The following CCT7 variants were observed in gnomAD, a reference collection of about 807,000 sequenced individuals.
CCT7 encodes chaperonin containing TCP1 subunit 7.
In CCT7, 16 loss-of-function variants were observed where a neutral mutation model predicts 56.6. The ratio of observed to expected loss-of-function variants is 0.28; its 90% CI spans 0.19 to 0.43. CCT7 has a LOEUF of 0.43. Among genes scored for constraint, CCT7 ranks in the 20% least tolerant of loss-of-function variants. The pLI, the probability that CCT7 is intolerant of heterozygous loss-of-function variation, is 1.00. For missense variants in CCT7, 519 were observed against 685.6 expected, an observed-to-expected ratio of 0.76 and a Z score of 2.71; for synonymous variants, 262 against 254.8, an observed-to-expected ratio of 1.03 and a Z score of -0.27.
chr2:73,247,740 A>G, intron 6 of CCT7, 22 bp from the exon 7 acceptor site: 2 of 1,610,940 alleles, frequency 1.2e-6, no homozygotes, highest in Non-Finnish European at 1.7e-6. Flanking sequence ...AAACCATTAA[A>G]GTGTTTGTTT....
At chr2:73,239,402 G>T in intron 1 of CCT7, 1 of 467,888 alleles carries the variant, frequency 2.1e-6, no homozygotes, top group Non-Finnish European at 3.8e-6. Flanking sequence ...TTTTAGATTA[G>T]GTCAGTGCTT....
chr2:73,234,837 G>C (rs1463387683), intron 1 of CCT7, among the ~76,000 whole-genome samples: 1 of 152,194 alleles, frequency 6.6e-6, no homozygotes, highest in Non-Finnish European at 1.5e-5. Flanking sequence ...ACCTCATATT[G>C]TGCCCGCCTA....
At position 73,244,659 on chromosome 2, in the gene CCT7, G is replaced by T; in HGVS notation, c.562G>T (p.Asp188Tyr). The T allele has an allele frequency of 6.2e-7, 1 of 1,613,846 alleles. No individual in the cohort carries two copies. Among genetic ancestry groups the T allele is most frequent in the Non-Finnish European group, 8.5e-7 (1 of 1,179,788 alleles). ...MVVDAVMMLDDLLQLKMIGIK... is the reference protein window; with the variant it reads ...MVVDAVMMLDYLLQLKMIGIK... ...GGTGGATGCAGTGATGATGCTCGAT[G>T]ATTTGCTGCAGCTTAAAATGATTGG... is the stretch of plus-strand genomic sequence containing the variant. Residue 188 changes from aspartate (D) to tyrosine (Y), a missense_variant, in exon 6 of 12, where the codon GAT (aspartate) becomes TAT (tyrosine). By Grantham distance (160) the Asp-to-Tyr change is radical. This residue lies in a region of CCT7 where 276 missense variants were observed against 357.3 expected (regional missense o/e 0.77). Coordinates refer to ENST00000258091, the MANE Select transcript of CCT7 (RefSeq NM_006429.4).
At position 73,251,280 on chromosome 2, in the gene CCT7, C is replaced by T; in HGVS notation, c.1258C>T (p.Leu420=). Residue 420 remains leucine, a synonymous_variant, in exon 11 of 12, where the codon CTG becomes TTG. Coordinates refer to ENST00000258091, the MANE Select transcript of CCT7 (RefSeq NM_006429.4). Reference sequence around the variant, plus strand: ...CATTGAGATGGAACTCTCCAAGTACCTGCGGGATTACTCAAGGACTATTCC... The same window carrying T: ...CATTGAGATGGAACTCTCCAAGTACTTGCGGGATTACTCAAGGACTATTCC... ...GAIEMELSKY[L]RDYSRTIPGK... 6.2e-7 allele frequency: 1 copy of T among 1,614,184 alleles called. No homozygotes were observed. The highest frequency in any genetic ancestry group is 2.2e-5 in the East Asian group (1 of 44,886).
Position 73,252,709 on chromosome 2 carries a change from G to A in CCT7, c.1480G>A (p.Glu494Lys), listed in dbSNP as rs1352957147. 6.2e-7 allele frequency: 1 copy of A among 1,614,176 alleles called. No individual in the cohort carries two copies. The highest frequency in any genetic ancestry group is 8.5e-7 in the Non-Finnish European group (1 of 1,180,022). Reference protein sequence around the residue: ...IADNFEAFVWEPAMVRINALT... With the variant: ...IADNFEAFVWKPAMVRINALT... ...TGACAACTTTGAAGCTTTCGTGTGG[G>A]AGCCAGCTATGGTGCGGATCAATGC... The change falls in exon 12 of 12, where the codon GAG (glutamate) becomes AAG (lysine). Residue 494 changes from glutamate to lysine, a missense_variant. This residue lies in a region of CCT7 where 237 missense variants were observed against 300.8 expected (regional missense o/e 0.79). Coordinates refer to ENST00000258091, the MANE Select transcript of CCT7 (RefSeq NM_006429.4).
Position 73,242,038 on chromosome 2 carries a change from GCCT to G in CCT7, c.268-961_268-959del, listed in dbSNP as rs1333353429. On this transcript the variant is annotated intron_variant, in intron 3 of 11. Coordinates refer to ENST00000258091, the MANE Select transcript of CCT7 (RefSeq NM_006429.4). Reference sequence around the variant, plus strand: ...TTACAGGCATGAGCCACCGTGCCTGGCCTCCTCATAGTTTTTGAAATATAAAGA... The same window carrying G: ...TTACAGGCATGAGCCACCGTGCCTGGCCTCATAGTTTTTGAAATATAAAGA... 1.2e-4 allele frequency among the ~76,000 whole-genome samples: 19 copies of G among 152,054 alleles called. No individual in the cohort carries two copies. In the East Asian group the frequency reaches 3.7e-3, roughly 30 times the overall value.
rs539233160 is a variant in CCT7, at chr2:73,249,146, A to G, written c.939A>G (p.Arg313=). 3.1e-6 allele frequency: 5 copies of G among 1,613,144 alleles called. No homozygotes were observed. The highest frequency in any genetic ancestry group is 1.3e-5 in the African/African-American group (1 of 75,030). The stretch of plus-strand genomic sequence containing the variant: ...ACAGGGACATGTTCTGTGCTGGCCG[A>G]GTACCTGAGGAGGATCTGAAGAGGA... ...FADRDMFCAG[R]VPEEDLKRTM... The change falls in exon 8 of 12, where the codon CGA becomes CGG. Residue 313 remains arginine, a synonymous_variant. Transcript: ENST00000258091.
intron 1 of CCT7, 58 bp from the exon 2 acceptor site, chr2:73,239,585 C>A: frequency 6.6e-7 from 1 of 1,509,188 alleles, no homozygotes; most frequent in Non-Finnish European, 9.1e-7. Context: ...CCCCTTTCCC[C>A]TGCCAGTCTC....
rs59365756 is a variant in CCT7 at position 73,234,503 on chromosome 2, G to C, written c.6+119G>C. On this transcript the variant is annotated intron_variant, in intron 1 of 11. Transcript: ENST00000258091. Reference sequence around the variant, plus strand: ...TGCTTGCCGCCTCTGTCCTCGCCCAGATCCCCAGCTTAGGGGCGACCCCAG... The same window carrying C: ...TGCTTGCCGCCTCTGTCCTCGCCCACATCCCCAGCTTAGGGGCGACCCCAG... 1.5e-3 allele frequency: 1,848 copies of C among 1,244,268 alleles called. 18 individuals are homozygous for C. In the African/African-American group the frequency reaches 0.021, roughly 14 times the overall value. 77.1% of individuals were successfully genotyped at this position (1,244,268 alleles called of 1,614,324 possible).
intron 8 of CCT7, 122 bp downstream of exon 8, chr2:73,249,301 TAACTC>T: frequency 2.5e-5 from 18 of 725,140 alleles, no homozygotes; most frequent in Non-Finnish European, 3.7e-5. Context: ...TTTTTTTTTT[TAACTC>T]TTTTTTTTCC....
At chr2:73,244,429 G>C in intron 5 of CCT7, 115 bp from the exon 6 acceptor site, 1 of 861,732 alleles carries the variant, frequency 1.2e-6, no homozygotes, top group East Asian at 2.7e-5. Flanking sequence ...AAAAGGTGAA[G>C]TTGGAGAGGG....
At chr2:73,239,848 G>C (rs536092491) in intron 2 of CCT7, 52 bp downstream of exon 2, 39 of 1,526,766 alleles carry the variant, frequency 2.6e-5, no homozygotes, top group South Asian at 2.0e-4. Context: ...GGCTCCTGAG[G>C]GGGTGTTTGG....
At chr2:73,237,621 C>A (rs1686936158) in intron 1 of CCT7, 1 of 152,096 alleles carries the variant, frequency 6.6e-6, no homozygotes, top group Non-Finnish European at 1.5e-5. Context: ...CCATTTCTTG[C>A]CACCAGACCT....
At chr2:73,252,128 A>C (rs893129975) in intron 11 of CCT7, among the ~76,000 whole-genome samples, 1 of 151,876 alleles carries the variant, frequency 6.6e-6, no homozygotes, top group African/African-American at 2.4e-5. Context: ...CCATTTGTTA[A>C]ATAGATAGAG....
At position 73,252,771 on chromosome 2, in the gene CCT7, G is replaced by C. The variant is rs750703268; in HGVS notation, c.1542G>C (p.Val514=). ...CCTCTGAGGCTGCGTGCCTGATCGT[G>C]TCTGTAGATGAAACCATCAAGAACC... ...TAASEAACLI[V]SVDETIKNPR... Residue 514 remains valine, a synonymous_variant, in exon 12 of 12, where the codon GTG becomes GTC. Coordinates refer to ENST00000258091, the MANE Select transcript of CCT7 (RefSeq NM_006429.4). 6.2e-7 allele frequency: 1 copy of C among 1,614,162 alleles called. No homozygotes were observed. The highest frequency in any genetic ancestry group is 2.2e-5 in the East Asian group (1 of 44,872).
chr2:73,248,643 C>T (rs1256987977), intron 7 of CCT7, among the ~76,000 whole-genome samples: 1 of 152,204 alleles, frequency 6.6e-6, no homozygotes, highest in Non-Finnish European at 1.5e-5. Flanking sequence ...GCATGAGCCA[C>T]TGTGCCCGGC....
chr2:73,250,379 A>T lies in CCT7; in HGVS notation c.1144A>T (p.Met382Leu), dbSNP rs765786789. ...FILRGGAEQF[M>L]EETERSLHDA... ...TCTCCGTGGCGGCGCCGAGCAGTTT[A>T]TGGAGGAGACAGAGCGGTCCCTGCA... The change falls in exon 10 of 12, where the codon ATG (methionine) becomes TTG (leucine). Residue 382 changes from methionine to leucine, a missense_variant. Coordinates refer to ENST00000258091, the MANE Select transcript of CCT7 (RefSeq NM_006429.4). 2 of 1,614,170 alleles carry T rather than the reference A, an allele frequency of 1.2e-6. No individual in the cohort carries two copies. Among genetic ancestry groups the T allele is most frequent in the South Asian group, 1.1e-5 (1 of 91,084 alleles).
In CCT7 at chr2:73,234,325, G is replaced by C. The variant is rs759416347; in HGVS notation, c.-54G>C. ...CGCGAGGCATTGTGGGTTGCTGGGC[G>C]GCCCGGTCTCGGAGAAGAGGGGAGA... On this transcript the variant is annotated 5_prime_UTR_variant, in exon 1 of 12. Transcript: ENST00000258091. The C allele has an allele frequency of 6.2e-7, 1 of 1,612,142 alleles. No homozygotes were observed. The highest frequency in any genetic ancestry group is 8.5e-7 in the Non-Finnish European group (1 of 1,178,440).
chr2:73,250,029 A>G (rs1687505508), intron 9 of CCT7, 113 bp downstream of exon 9: 4 of 811,608 alleles, frequency 4.9e-6, no homozygotes, highest in Non-Finnish European at 8.5e-6. Flanking sequence ...ACAAAGTGGT[A>G]TACAGCTTTT....
Sources: allele counts gnomAD v4.1 joint callset (sites outside exome capture counted in the v4.1 genomes callset), GRCh38; gene constraint gnomAD v4.1.1; regional missense constraint gnomAD v4.1.1; transcripts MANE v1.5; gene names NCBI Gene and HGNC (gene_info 2026-07-23, HGNC 2026-07-21).